FAM180A: variants seen among roughly 807,000 people sequenced by gnomAD.
FAM180A encodes the protein family with sequence similarity 180 member A, also known as protein FAM180A.
Under a neutral mutation model 15.3 loss-of-function variants are expected in FAM180A, and 14 were observed. That is an observed-to-expected ratio of 0.92 (90% CI 0.61 to 1.43). The LOEUF (loss-of-function observed/expected upper bound fraction) is 1.43, where lower values mean the gene tolerates loss of function less well. Among genes scored for constraint, FAM180A ranks in the 40% most tolerant of loss-of-function variants. FAM180A has a pLI of 0.00. For missense variants in FAM180A, 200 were observed against 220.8 expected (o/e 0.91, Z 0.60); for synonymous variants, 90 against 96.8 (o/e 0.93, Z 0.41).
At chr7:135,737,721 G>A (rs1336977886) in intron 1 of FAM180A, among the ~76,000 whole-genome samples, 1 of 151,912 alleles carries the variant, frequency 6.6e-6, no homozygotes, top group Non-Finnish European at 1.5e-5. Context: ...CAGACCAGTG[G>A]CTTAAAAACT....
chr7:135,735,070 C>G (rs1389913836), intron 2 of FAM180A, among the ~76,000 whole-genome samples: 1 of 151,854 alleles, frequency 6.6e-6, no homozygotes, highest in Non-Finnish European at 1.5e-5. Flanking sequence ...CCTGGCTAGT[C>G]TTTTGTATTT....
At chr7:135,740,962 AAC>A (rs1491491395) in intron 1 of FAM180A, among the ~76,000 whole-genome samples, 5 of 26,464 alleles carry the variant, frequency 1.9e-4, no homozygotes, top group Admixed American at 1.3e-3. Context: ...AAAAAAACAA[AAC>A]AAAACAAAAC....
At chr7:135,740,452 C>T (rs993362600) in intron 1 of FAM180A, among the ~76,000 whole-genome samples, 3 of 152,122 alleles carry the variant, frequency 2.0e-5, no homozygotes, top group African/African-American at 7.2e-5. Context: ...ACTAGACATT[C>T]GATTCATCCG....
At position 135,733,973 on chromosome 7, in the gene FAM180A, T is replaced by C. The variant is rs985171136; in HGVS notation, c.*2A>G. ...TCTGAGGTCCTGGTGTGGGCCAGTC[T>C]CTCAGGGAGGTACTCCCGGCTGTGA... On this transcript the variant is annotated 3_prime_UTR_variant, in exon 3 of 4. Transcript: ENST00000338588. 6.3e-7 allele frequency: 1 copy of C among 1,589,504 alleles called. No individual in the cohort carries two copies. The highest frequency in any genetic ancestry group is 8.6e-7 in the Non-Finnish European group (1 of 1,166,912).
rs528742350 is a variant in FAM180A, at chr7:135,740,438, C to T, written c.77-3239G>A. On this transcript the variant is annotated intron_variant, in intron 1 of 3. Transcript: ENST00000338588. ...TTTGTTTAGACCGGTGGTTCCCAGC[C>T]TTGACTAGACATTCGATTCATCCGG... Among the ~76,000 whole-genome samples the T allele has an allele frequency of 1.4e-4, 21 of 152,254 alleles. No homozygotes were observed. In the South Asian group the frequency reaches 3.3e-3, roughly 24 times the overall value.
intron 3 of FAM180A, among the ~76,000 whole-genome samples, chr7:135,731,077 T>C (rs1219528806): frequency 6.6e-6 from 1 of 152,180 alleles, no homozygotes; most frequent in Admixed American, 6.5e-5. Flanking sequence ...GATTTCTTAC[T>C]ACTGGGAGCA....
intron 3 of FAM180A, among the ~76,000 whole-genome samples, chr7:135,731,906 T>G (rs753988336): frequency 7.9e-5 from 12 of 152,202 alleles, no homozygotes; most frequent in Non-Finnish European, 1.3e-4. Context: ...AGAATCAAAT[T>G]TAGCCCAATA....
At chr7:135,736,012 C>G (rs887197121) in intron 2 of FAM180A, among the ~76,000 whole-genome samples, 1 of 149,682 alleles carries the variant, frequency 6.7e-6, no homozygotes, top group Non-Finnish European at 1.5e-5. Context: ...CTGGCTGTCT[C>G]TTTCTTTTCT....
intron 3 of FAM180A, among the ~76,000 whole-genome samples, chr7:135,731,725 A>C (rs141123242): frequency 1.4e-4 from 22 of 152,334 alleles, no homozygotes; most frequent in African/African-American, 5.1e-4. Flanking sequence ...TGAGAATATC[A>C]GGATGCAAAG....
intron 2 of FAM180A, among the ~76,000 whole-genome samples, chr7:135,735,983 A>G (rs1796864432): frequency 6.7e-6 from 1 of 149,488 alleles, no homozygotes; most frequent in African/African-American, 2.5e-5. Context: ...GATTACAAGC[A>G]TGAGCCGCCG....
intron 1 of FAM180A, among the ~76,000 whole-genome samples, chr7:135,744,663 G>A (rs916541313): frequency 6.6e-6 from 1 of 152,182 alleles, no homozygotes; most frequent in African/African-American, 2.4e-5. Context: ...TGGCCCATGG[G>A]GGATGGAGAA....
rs1260674182 is a variant in FAM180A at position 135,739,872 on chromosome 7, C to T, written c.77-2673G>A. ...GCTTTGATACATACAGTTTTATATT[C>T]TGTACCCGTGGCAGAGCCTGGCAGG... On this transcript the variant is annotated intron_variant, in intron 1 of 3. Transcript: ENST00000338588. Among the ~76,000 whole-genome samples, 8 of 152,160 alleles carry T rather than the reference C, an allele frequency of 5.3e-5. No homozygotes were observed. The East Asian group carries it at 1.5e-3, about 29-fold the overall frequency.
chr7:135,742,382 T>G (rs1389468141), intron 1 of FAM180A, among the ~76,000 whole-genome samples: 1 of 152,136 alleles, frequency 6.6e-6, no homozygotes, highest in East Asian at 1.9e-4. Context: ...AACTCCAAGA[T>G]GTATATGTGC....
intron 1 of FAM180A, among the ~76,000 whole-genome samples, chr7:135,743,180 C>T (rs1460500760): frequency 6.8e-6 from 1 of 147,666 alleles, no homozygotes; most frequent in Non-Finnish European, 1.5e-5. Flanking sequence ...TTTAGGATCA[C>T]TCTCCTGCAT....
At chr7:135,741,880 T>C (rs1796955730) in intron 1 of FAM180A, among the ~76,000 whole-genome samples, 1 of 151,272 alleles carries the variant, frequency 6.6e-6, no homozygotes, top group African/African-American at 2.4e-5. Flanking sequence ...TGAATGTCAC[T>C]GATAAGGATC....
In FAM180A at chr7:135,737,217, G is replaced by T; in HGVS notation, c.77-18C>A. 1 of 1,562,036 alleles carries T rather than the reference G, an allele frequency of 6.4e-7. No homozygotes were observed. Reference sequence around the variant, plus strand: ...GAGCACAGCTGAAAGAAAGAAAACAGTGAGTTCCTGGCTGCTGTGTGCGCC... The same window carrying T: ...GAGCACAGCTGAAAGAAAGAAAACATTGAGTTCCTGGCTGCTGTGTGCGCC... On this transcript the variant is annotated intron_variant, in intron 1 of 3. Transcript: ENST00000338588.
intron 1 of FAM180A, among the ~76,000 whole-genome samples, chr7:135,739,045 C>T (rs987547681): frequency 6.6e-6 from 1 of 152,212 alleles, no homozygotes; most frequent in Admixed American, 6.5e-5. Flanking sequence ...CGCTGTGGCT[C>T]ATGCCTAAAA....
At chr7:135,730,487 T>G (rs1398961304) in intron 3 of FAM180A, among the ~76,000 whole-genome samples, 2 of 152,126 alleles carry the variant, frequency 1.3e-5, no homozygotes, top group Non-Finnish European at 2.9e-5. Flanking sequence ...GAGGTGCCAC[T>G]GCACTCCAGC....
At chr7:135,739,748 C>T (rs944817848) in intron 1 of FAM180A, among the ~76,000 whole-genome samples, 31 of 151,170 alleles carry the variant, frequency 2.1e-4, no homozygotes, top group African/African-American at 7.5e-4. Flanking sequence ...TGGTAGGAAT[C>T]TCCCATGTCC....
Sources: gnomAD v4.1 joint callset for allele counts (sites outside exome capture counted in the v4.1 genomes callset) on GRCh38, gnomAD v4.1.1 for gene constraint, MANE v1.5 for transcripts, NCBI Gene and HGNC (gene_info 2026-07-23, HGNC 2026-07-21) for gene names.